KCNIP4: variants seen among roughly 807,000 people sequenced by gnomAD.
KCNIP4 encodes potassium voltage-gated channel interacting protein 4.
KCNIP4 carries 12 observed loss-of-function variants against 34.0 expected under a neutral mutation model. The observed-to-expected ratio is 0.35, with a 90% CI of 0.23 to 0.57. The LOEUF is 0.57. Ranked by LOEUF, KCNIP4 falls within the 20% of genes least tolerant of loss-of-function variation. The pLI is 0.83. For synonymous variants in KCNIP4, 124 were observed against 102.2 expected (o/e 1.21, Z -1.29); for missense variants, 238 against 311.7 (o/e 0.76, Z 1.78).
intron 1 of KCNIP4, among the ~76,000 whole-genome samples, chr4:21,608,343 T>C (rs1743878838): frequency 6.6e-6 from 1 of 152,216 alleles, no homozygotes; most frequent in Non-Finnish European, 1.5e-5. Flanking sequence ...AATGTCTCTG[T>C]TCTTGCTCAT....
At chr4:21,929,520 T>C (rs1443317006) in intron 1 of KCNIP4, among the ~76,000 whole-genome samples, 1 of 152,154 alleles carries the variant, frequency 6.6e-6, no homozygotes, top group African/African-American at 2.4e-5. Context: ...CTTTCTATTG[T>C]GCTTTTACGC....
At chr4:21,173,643 C>T (rs1023177638) in intron 1 of KCNIP4, among the ~76,000 whole-genome samples, 2 of 152,128 alleles carry the variant, frequency 1.3e-5, no homozygotes, top group Non-Finnish European at 2.9e-5. Context: ...AAGAATTGCT[C>T]TGCCCAAGGT....
intron 1 of KCNIP4, among the ~76,000 whole-genome samples, chr4:21,760,496 A>C (rs1298705747): frequency 1.3e-5 from 2 of 152,126 alleles, no homozygotes; most frequent in Non-Finnish European, 2.9e-5. Flanking sequence ...AAACAGGCAA[A>C]TTATGGGTTT....
intron 1 of KCNIP4, among the ~76,000 whole-genome samples, chr4:21,233,569 C>T (rs1758955642): frequency 6.6e-6 from 1 of 151,694 alleles, no homozygotes; most frequent in Admixed American, 6.6e-5. Context: ...GGTTAAAAAA[C>T]CAAAGAACAA....
At chr4:21,560,991 C>T (rs1040760756) in intron 1 of KCNIP4, among the ~76,000 whole-genome samples, 1 of 151,926 alleles carries the variant, frequency 6.6e-6, no homozygotes, top group South Asian at 2.1e-4. Flanking sequence ...TAAAACAATA[C>T]AATTAGAACC....
chr4:20,894,715 C>CA (rs1357066305), intron 1 of KCNIP4, among the ~76,000 whole-genome samples: 2 of 152,100 alleles, frequency 1.3e-5, no homozygotes, highest in Non-Finnish European at 1.5e-5. Context: ...TTGGCACTGG[C>CA]AAAAACATAG....
chr4:21,742,425 A>G (rs1200025890), intron 1 of KCNIP4, among the ~76,000 whole-genome samples: 1 of 152,202 alleles, frequency 6.6e-6, no homozygotes, highest in African/African-American at 2.4e-5. Context: ...TGGATTTTCC[A>G]TTGTGATTAA....
At chr4:20,987,831 C>G (rs577021022) in intron 1 of KCNIP4, among the ~76,000 whole-genome samples, 178 of 151,148 alleles carry the variant, frequency 1.2e-3, no homozygotes, top group African/African-American at 4.2e-3. Flanking sequence ...AACCCCGTCT[C>G]TACTAAAAAT....
Position 20,982,759 on chromosome 4 carries a change from T to C in KCNIP4, c.62-100050A>G, listed in dbSNP as rs1042223263. Reference sequence around the variant, plus strand: ...GATCTTGTTTGGGATGATGTCATCATAGCTATCAGGTCTTAGCTCCTATAG... The same window carrying C: ...GATCTTGTTTGGGATGATGTCATCACAGCTATCAGGTCTTAGCTCCTATAG... On this transcript the variant is annotated intron_variant, in intron 1 of 8. Transcript: ENST00000382152. Among the ~76,000 whole-genome samples, 10 of 152,336 alleles carry C rather than the reference T, an allele frequency of 6.6e-5. No homozygotes were observed. In the South Asian group the frequency reaches 1.2e-3, roughly 19 times the overall value.
intron 1 of KCNIP4, among the ~76,000 whole-genome samples, chr4:20,985,002 A>G (rs1736442400): frequency 6.6e-6 from 1 of 152,154 alleles, no homozygotes; most frequent in Admixed American, 6.5e-5. Flanking sequence ...AACCACTCCA[A>G]ACAGACCCTG....
At chr4:21,702,989 A>C (rs1336702139) in intron 1 of KCNIP4, among the ~76,000 whole-genome samples, 2 of 75,724 alleles carry the variant, frequency 2.6e-5, no homozygotes, top group Admixed American at 2.1e-4. Context: ...CAGGCCCCCC[A>C]CAAAAAAAAA....
chr4:21,544,579 T>C (rs1221592528), intron 1 of KCNIP4: 9 of 152,174 alleles, frequency 5.9e-5, no homozygotes. Context: ...ACAATTGCAT[T>C]GCTAGCTGTC....
At chr4:21,915,364 T>C (rs1728571053) in intron 1 of KCNIP4, among the ~76,000 whole-genome samples, 1 of 152,176 alleles carries the variant, frequency 6.6e-6, no homozygotes, top group Non-Finnish European at 1.5e-5. Context: ...GACTCTTCTA[T>C]GTGCTAGACC....
chr4:21,247,574 A>T (rs1051853235), intron 1 of KCNIP4, among the ~76,000 whole-genome samples: 1 of 118,110 alleles, frequency 8.5e-6, no homozygotes, highest in Admixed American at 8.9e-5. Flanking sequence ...TATAGATATA[A>T]ATACATATAT....
chr4:20,964,786 T>C (rs1285309516), intron 1 of KCNIP4, among the ~76,000 whole-genome samples: 1 of 152,188 alleles, frequency 6.6e-6, no homozygotes, highest in African/African-American at 2.4e-5. Flanking sequence ...AATCTAGAGC[T>C]AATATGGAGT....
intron 1 of KCNIP4, among the ~76,000 whole-genome samples, chr4:21,122,505 T>A (rs1308425042): frequency 6.6e-6 from 1 of 151,916 alleles, no homozygotes; most frequent in African/African-American, 2.4e-5. Context: ...AAAATCAATA[T>A]TTTCCCCCAG....
chr4:21,174,807 A>C (rs1754280182), intron 1 of KCNIP4, among the ~76,000 whole-genome samples: 1 of 151,794 alleles, frequency 6.6e-6, no homozygotes, highest in African/African-American at 2.4e-5. Context: ...TGGGAGGCTG[A>C]GGCAGAAGAA....
intron 1 of KCNIP4, among the ~76,000 whole-genome samples, chr4:21,541,434 G>C (rs150944141): frequency 6.6e-6 from 1 of 152,218 alleles, no homozygotes; most frequent in East Asian, 1.9e-4. Flanking sequence ...GAGCCAGGCA[G>C]TCAGGCTCTG....
chr4:20,969,747 C>T (rs1007590582), intron 1 of KCNIP4, among the ~76,000 whole-genome samples: 3 of 150,742 alleles, frequency 2.0e-5, no homozygotes, highest in Admixed American at 6.7e-5. Flanking sequence ...GATTAGTAAA[C>T]TATATTACAC....
Sources: allele counts gnomAD v4.1 joint callset (sites outside exome capture counted in the v4.1 genomes callset), GRCh38; gene constraint gnomAD v4.1.1; transcripts MANE v1.5; gene names NCBI Gene and HGNC (gene_info 2026-07-23, HGNC 2026-07-21).